KIF23: variants seen among roughly 807,000 people sequenced by gnomAD.
KIF23 encodes kinesin family member 23, also known as kinesin-like protein KIF23.
A neutral mutation model predicts 137.5 loss-of-function variants in KIF23; 30 were observed. The observed-to-expected ratio is 0.22, with a 90% CI of 0.16 to 0.30. The LOEUF is 0.30. KIF23 is among the 10% of genes least tolerant of loss of function. KIF23 has a pLI of 1.00. For missense variants in KIF23, 920 were observed against 1,194.3 expected (o/e 0.77, Z 3.38); for synonymous variants, 367 against 391.1 (o/e 0.94, Z 0.73).
In KIF23 at chr15:69,426,201, T is replaced by A. The variant is rs773512486; in HGVS notation, c.889+19T>A. ...TGGAGAGGTTAGAAACACCTAGAAC[T>A]AGAAAAATACAGAATGATGAATATC... On this transcript the variant is annotated intron_variant, in intron 9 of 23. Coordinates refer to ENST00000679126, the MANE Select transcript of KIF23 (RefSeq NM_001367805.3). 1 of 1,592,378 alleles carries A rather than the reference T, an allele frequency of 6.3e-7. No homozygotes were observed. Among genetic ancestry groups the A allele is most frequent in the Non-Finnish European group, 8.6e-7 (1 of 1,167,468 alleles).
At chr15:69,446,725 C>A in intron 22 of KIF23, 146 bp from the exon 23 acceptor site, 1 of 756,272 alleles carries the variant, frequency 1.3e-6, no homozygotes, top group East Asian at 2.6e-5. Context: ...AAATAAATTA[C>A]GAGTGACTGG....
At chr15:69,431,577 G>A (rs1429242535) in intron 11 of KIF23, among the ~76,000 whole-genome samples, 10 of 151,638 alleles carry the variant, frequency 6.6e-5, no homozygotes, top group African/African-American at 2.4e-4. Flanking sequence ...TCGCGCCATT[G>A]CACTCCAGCC....
chr15:69,426,688 C>T, intron 10 of KIF23: 5 of 482,904 alleles, frequency 1.0e-5, no homozygotes, highest in South Asian at 8.5e-5. Context: ...CCACTGTAGT[C>T]CAGCCTGGGT....
chr15:69,416,816 G>A (rs752869488), intron 2 of KIF23, among the ~76,000 whole-genome samples: 3 of 152,144 alleles, frequency 2.0e-5, no homozygotes, highest in Non-Finnish European at 4.4e-5. Flanking sequence ...TTAGCTGGGT[G>A]TGGTGGTGGG....
In KIF23 at chr15:69,435,727, A is replaced by G; in HGVS notation, c.1270A>G (p.Ile424Val). ...YFDGEGKVRM[I>V]VCVNPKAEDY... is the part of the protein sequence containing the mutation. ...TGATGGGGAAGGAAAAGTGCGGATG[A>G]TCGTGTGTGTGAACCCCAAGGCTGA... The change falls in exon 13 of 24, where the codon ATC (isoleucine) becomes GTC (valine). Residue 424 changes from isoleucine (I) to valine (V), a missense_variant. By Grantham distance (29) the Ile-to-Val change is conservative. Coordinates refer to ENST00000679126, the MANE Select transcript of KIF23 (RefSeq NM_001367805.3). 1.9e-6 allele frequency: 3 copies of G among 1,614,220 alleles called. No individual in the cohort carries two copies. The highest frequency in any genetic ancestry group is 2.5e-6 in the Non-Finnish European group (3 of 1,180,038).
chr15:69,431,510 A>G (rs953031228), intron 11 of KIF23, among the ~76,000 whole-genome samples: 1 of 152,092 alleles, frequency 6.6e-6, no homozygotes, highest in Non-Finnish European at 1.5e-5. Context: ...GCTACTCGGG[A>G]GCCTGAGGCA....
chr15:69,418,289 C>G (rs892163975), intron 3 of KIF23, among the ~76,000 whole-genome samples: 1 of 152,278 alleles, frequency 6.6e-6, no homozygotes, highest in Admixed American at 6.5e-5. Context: ...CCTGTCTCCC[C>G]CTCCAGCTCT....
intron 10 of KIF23, among the ~76,000 whole-genome samples, 159 bp from the exon 11 acceptor site, chr15:69,428,952 A>G (rs1326953406): frequency 6.6e-6 from 1 of 152,176 alleles, no homozygotes; most frequent in East Asian, 1.9e-4. Flanking sequence ...ATACTCTTCT[A>G]GCAAACTCTC....
chr15:69,446,030 G>A lies in KIF23; in HGVS notation c.2695G>A (p.Gly899Ser). ...TTAGGGTGATATTTATAAAACAAGG[G>A]GTGGTGGACAATCTGTTCAGTTTAC... ...LIKGDIYKTR[G>S]GGQSVQFTDI... The change falls in exon 21 of 24, where the codon GGT (glycine) becomes AGT (serine). Residue 899 changes from glycine to serine, a missense_variant. Physicochemically the swap from Gly to Ser is moderately conservative, Grantham distance 56 (BLOSUM62 0). Coordinates refer to ENST00000679126, the MANE Select transcript of KIF23 (RefSeq NM_001367805.3). 1 of 1,613,652 alleles carries A rather than the reference G, an allele frequency of 6.2e-7. No individual in the cohort carries two copies. Among genetic ancestry groups the A allele is most frequent in the Non-Finnish European group, 8.5e-7 (1 of 1,179,688 alleles).
intron 11 of KIF23, among the ~76,000 whole-genome samples, chr15:69,433,712 TTTTA>T (rs977869557): frequency 6.6e-6 from 1 of 152,048 alleles, no homozygotes; most frequent in Non-Finnish European, 1.5e-5. Flanking sequence ...AGAGAATATA[TTTTA>T]TTTATTTATT....
chr15:69,417,492 G>A lies in KIF23; in HGVS notation c.191G>A (p.Arg64Gln), dbSNP rs757158186. The change falls in exon 3 of 24, where the codon CGA becomes CAA. Residue 64 changes from arginine to glutamine, a missense_variant. Transcript: ENST00000679126. ...LHTPEGYRLN[R>Q]NGDYKETQYS... ...ACTCCTGAGGGCTACAGACTCAACC[G>A]AAATGGAGACTATAAGGAGGTAATT... 14 of 1,613,304 alleles carry A rather than the reference G, an allele frequency of 8.7e-6. No homozygotes were observed. Among genetic ancestry groups the A allele is most frequent in the Non-Finnish European group, 5.9e-6 (7 of 1,179,654 alleles).
At chr15:69,438,992 G>C (rs1164194236) in intron 16 of KIF23, among the ~76,000 whole-genome samples, 2 of 151,858 alleles carry the variant, frequency 1.3e-5, no homozygotes, top group African/African-American at 2.4e-5. Flanking sequence ...CAGCTACTCG[G>C]AAGGCTGAGA....
Position 69,444,340 on chromosome 15 carries a change from C to T in KIF23, c.2422-450C>T. On this transcript the variant is annotated intron_variant, in intron 19 of 23. Coordinates refer to ENST00000679126, the MANE Select transcript of KIF23 (RefSeq NM_001367805.3). This position sits in a 1 kb window ranked among gnomAD's most constrained non-coding sequence, Gnocchi z 4.2. Reference sequence around the variant, plus strand: ...TTTATTCATATGGTTCTTATTATACCTATGTTCTTAGGATTGTTTTCTGTT... The same window carrying T: ...TTTATTCATATGGTTCTTATTATACTTATGTTCTTAGGATTGTTTTCTGTT... 1 of 154,352 alleles carries T rather than the reference C, an allele frequency of 6.5e-6. No homozygotes were observed. Among genetic ancestry groups the T allele is most frequent in the Admixed American group, 6.5e-5 (1 of 15,466 alleles). The allele number at this position is 154,352 out of a possible 1,614,324, so 9.6% of individuals were successfully genotyped here.
At chr15:69,420,826 C>T (rs1057271029) in intron 3 of KIF23, among the ~76,000 whole-genome samples, 6 of 151,998 alleles carry the variant, frequency 3.9e-5, no homozygotes, top group Non-Finnish European at 8.8e-5. Context: ...ATGAGCTTGC[C>T]CAGGCTGGTC....
chr15:69,417,197 A>G (rs1183134489), intron 2 of KIF23, among the ~76,000 whole-genome samples, 186 bp from the exon 3 acceptor site: 2 of 152,200 alleles, frequency 1.3e-5, no homozygotes, highest in Admixed American at 1.3e-4. Flanking sequence ...GTATTCTCAT[A>G]TCTAATACAT....
rs757031966 is a variant in KIF23 at position 69,417,408 on chromosome 15, G to A, written c.107G>A (p.Gly36Asp). 6 of 1,612,096 alleles carry A rather than the reference G, an allele frequency of 3.7e-6. No individual in the cohort carries two copies. The highest frequency in any genetic ancestry group is 1.6e-4 in the Middle Eastern group (1 of 6,078). The stretch of plus-strand genomic sequence containing the variant: ...GTATACTGTAGGGTGCGCCCACTGG[G>A]CTTTCCTGATCAAGAGTGTTGCATA... The part of the protein sequence containing the change: ...VGVYCRVRPL[G>D]FPDQECCIEV... The change falls in exon 3 of 24, where the codon GGC becomes GAC. Residue 36 changes from glycine to aspartate, a missense_variant. Coordinates refer to ENST00000679126, the MANE Select transcript of KIF23 (RefSeq NM_001367805.3).
chr15:69,446,116 T>C, intron 21 of KIF23, 25 bp downstream of exon 21: 1 of 1,595,484 alleles, frequency 6.3e-7, no homozygotes, highest in Non-Finnish European at 8.6e-7. Flanking sequence ...AAAATCTCTG[T>C]ATAAAAGTTG....
At chr15:69,443,260 T>C (rs2057664350) in intron 19 of KIF23, among the ~76,000 whole-genome samples, 1 of 151,996 alleles carries the variant, frequency 6.6e-6, no homozygotes, top group Non-Finnish European at 1.5e-5. Flanking sequence ...TCTTCATACT[T>C]GACTAGCTTT....
At position 69,445,141 on chromosome 15, in the gene KIF23, C is replaced by T. The variant is rs2057713049; in HGVS notation, c.2673+100C>T. The T allele has an allele frequency of 4.5e-6, 5 of 1,123,528 alleles. No individual in the cohort carries two copies. In the South Asian group the frequency reaches 8.0e-5, roughly 18 times the overall value. 69.6% of individuals were successfully genotyped at this position (1,123,528 alleles called of 1,614,324 possible). A position where few individuals can be genotyped will look rare whatever the true frequency, so the allele number is the denominator to read the frequency against. ...TTTGGTGACACACAGGTAGTGTCAA[C>T]TGGAACATCAGTAGGTATTTGATAT... On this transcript the variant is annotated intron_variant, in intron 20 of 23. Coordinates refer to ENST00000679126, the MANE Select transcript of KIF23 (RefSeq NM_001367805.3).
Sources: allele counts gnomAD v4.1 joint callset (sites outside exome capture counted in the v4.1 genomes callset), GRCh38; gene constraint gnomAD v4.1.1; non-coding constraint Gnocchi (gnomAD v3.1); transcripts MANE v1.5; gene names NCBI Gene and HGNC (gene_info 2026-07-23, HGNC 2026-07-21).